The following AFF3 variants were observed in gnomAD, a reference collection of about 807,000 sequenced individuals.
AFF3 encodes the protein AF4/FMR2 family member 3.
AFF3 carries 32 observed loss-of-function variants against 129.7 expected under a neutral mutation model. That is an observed-to-expected ratio of 0.25 (90% confidence interval 0.19 to 0.33). AFF3 has a LOEUF of 0.33. Ranked by LOEUF, AFF3 falls within the 10% of genes least tolerant of loss-of-function variation. The pLI is 1.00. For missense variants in AFF3, 1,373 were observed against 1,592.0 expected (o/e 0.86, Z 2.34); for synonymous variants, 644 against 635.4 (o/e 1.01, Z -0.20).
intron 11 of AFF3, among the ~76,000 whole-genome samples, chr2:99,721,330 A>T (rs1194911679): frequency 6.6e-6 from 1 of 152,108 alleles, no homozygotes; most frequent in Non-Finnish European, 1.5e-5. Flanking sequence ...GGAGATTGAG[A>T]TCATCCTGGC....
chr2:99,695,466 CT>C (rs1002897325), intron 11 of AFF3, among the ~76,000 whole-genome samples: 1 of 152,160 alleles, frequency 6.6e-6, no homozygotes. Flanking sequence ...CACGTGTATT[CT>C]TTTTAGTCGG....
intron 7 of AFF3, among the ~76,000 whole-genome samples, chr2:99,936,996 G>T (rs1342242877): frequency 1.3e-5 from 2 of 152,162 alleles, no homozygotes; most frequent in African/African-American, 4.8e-5. Flanking sequence ...ATTCTGAAAT[G>T]ATGATTTATG....
intron 13 of AFF3, chr2:99,631,142 G>C: frequency 3.6e-6 from 1 of 274,996 alleles, no homozygotes; most frequent in South Asian, 3.1e-5. Flanking sequence ...GGCCGCCAAA[G>C]TCCCAGGACT....
Position 99,585,268 on chromosome 2 carries a change from T to C in AFF3, c.2591+1886A>G, listed in dbSNP as rs530706436. Among the ~76,000 whole-genome samples, 9 of 152,362 alleles carry C rather than the reference T, an allele frequency of 5.9e-5. No homozygotes were observed. The Middle Eastern group carries it at 0.01, about 173-fold the overall frequency. On this transcript the variant is annotated intron_variant, in intron 16 of 24. Transcript: ENST00000672756. The stretch of plus-strand genomic sequence containing the variant: ...TAAATATTATCATGGATATCATGAT[T>C]GCCTGTTTTTCATCACTGCAAGTTT...
At chr2:99,831,011 C>A (rs1306811580) in intron 8 of AFF3, among the ~76,000 whole-genome samples, 3 of 152,184 alleles carry the variant, frequency 2.0e-5, no homozygotes, top group Non-Finnish European at 4.4e-5. Context: ...CACACCCACA[C>A]TCACTGACAC....
chr2:100,031,486 C>T (rs1684487711), intron 4 of AFF3, among the ~76,000 whole-genome samples: 1 of 152,092 alleles, frequency 6.6e-6, no homozygotes, highest in Non-Finnish European at 1.5e-5. Flanking sequence ...ATTTCCTTGC[C>T]CTGTAGCTGA....
intron 15 of AFF3, among the ~76,000 whole-genome samples, chr2:99,591,822 C>G (rs1214744795): frequency 2.0e-5 from 3 of 152,212 alleles, no homozygotes; most frequent in Non-Finnish European, 4.4e-5. Context: ...CCCCTTAGGA[C>G]CTATGTAACC....
chr2:100,134,969 G>A (rs948152190), intron 1 of AFF3, among the ~76,000 whole-genome samples: 10 of 152,188 alleles, frequency 6.6e-5, no homozygotes, highest in African/African-American at 2.2e-4. Flanking sequence ...CTGAAATGGT[G>A]GCATTGGGCA....
intron 4 of AFF3, among the ~76,000 whole-genome samples, chr2:100,041,237 G>C (rs1325144501): frequency 6.6e-6 from 1 of 152,250 alleles, no homozygotes; most frequent in Non-Finnish European, 1.5e-5. Flanking sequence ...AGGGAGCACA[G>C]TGTTTTCAAC....
chr2:100,021,535 T>C (rs1683602479), intron 4 of AFF3, among the ~76,000 whole-genome samples: 1 of 152,196 alleles, frequency 6.6e-6, no homozygotes, highest in African/African-American at 2.4e-5. Context: ...GGTTATAGAA[T>C]TTAGTAATAG....
intron 22 of AFF3, among the ~76,000 whole-genome samples, chr2:99,558,639 AT>A (rs1478124885): frequency 1.2e-4 from 19 of 152,310 alleles, no homozygotes; most frequent in Non-Finnish European, 2.1e-4. Flanking sequence ...ACATAAAAAA[AT>A]AAAAATAAAA....
At chr2:99,738,708 G>A (rs1397949412) in intron 10 of AFF3, among the ~76,000 whole-genome samples, 1 of 152,090 alleles carries the variant, frequency 6.6e-6, no homozygotes, top group Non-Finnish European at 1.5e-5. Context: ...CCTTTGTAGG[G>A]AAGAGCTGAT....
At chr2:99,939,936 G>T (rs1228824888) in intron 7 of AFF3, among the ~76,000 whole-genome samples, 1 of 152,024 alleles carries the variant, frequency 6.6e-6, no homozygotes, top group East Asian at 1.9e-4. Flanking sequence ...TGTTCTGGTG[G>T]GGCCTATATA....
At position 99,814,319 on chromosome 2, in the gene AFF3, C is replaced by T. The variant is rs150045346; in HGVS notation, c.921+23158G>A. ...GATAACTAACTGAAGCCTGAAAAAG[C>T]CCACAGGGGAAAGGCAACTGAATGG... On this transcript the variant is annotated intron_variant, in intron 8 of 24. Coordinates refer to ENST00000672756, the MANE Select transcript of AFF3 (RefSeq NM_001386135.1). Among the ~76,000 whole-genome samples, 13 of 151,988 alleles carry T rather than the reference C, an allele frequency of 8.6e-5. No homozygotes were observed. The East Asian group carries it at 2.5e-3, about 29-fold the overall frequency.
chr2:100,086,925 A>C (rs1157511300), intron 4 of AFF3, among the ~76,000 whole-genome samples: 1 of 152,270 alleles, frequency 6.6e-6, no homozygotes, highest in Admixed American at 6.5e-5. Flanking sequence ...CATTATCTGC[A>C]TTTTACAAAT....
At chr2:99,657,744 T>C (rs557161666) in intron 12 of AFF3, among the ~76,000 whole-genome samples, 7 of 152,342 alleles carry the variant, frequency 4.6e-5, no homozygotes, top group Admixed American at 2.6e-4. Flanking sequence ...TACTAGAAAT[T>C]TGATAGACAA....
chr2:99,667,278 C>T (rs931510239), intron 12 of AFF3, among the ~76,000 whole-genome samples: 1 of 152,120 alleles, frequency 6.6e-6, no homozygotes, highest in African/African-American at 2.4e-5. Context: ...CAACACATTT[C>T]TAAATAATCC....
Position 99,551,307 on chromosome 2 carries a change from C to T in AFF3, c.*167G>A. On this transcript the variant is annotated 3_prime_UTR_variant, in exon 25 of 25. Coordinates refer to ENST00000672756, the MANE Select transcript of AFF3 (RefSeq NM_001386135.1). ...CATACACAGGCGGCTTCTTATATACCCACACATACAAACACACATGCCCTG... is the reference window on the plus strand; with the variant it reads ...CATACACAGGCGGCTTCTTATATACTCACACATACAAACACACATGCCCTG... 3 of 943,378 alleles carry T rather than the reference C, an allele frequency of 3.2e-6. No homozygotes were observed. Among genetic ancestry groups the T allele is most frequent in the East Asian group, 2.6e-5 (1 of 37,806 alleles). 58.4% of individuals were successfully genotyped at this position (943,378 alleles called of 1,614,324 possible). A position where few individuals can be genotyped will look rare whatever the true frequency, so the allele number is the denominator to read the frequency against.
chr2:99,727,559 ATTTT>A (rs35336994), intron 10 of AFF3, among the ~76,000 whole-genome samples: 12 of 127,714 alleles, frequency 9.4e-5, no homozygotes, highest in Admixed American at 8.0e-5. Flanking sequence ...GGAGGAAAGA[ATTTT>A]TTTTTTTTTT....
Sources: allele counts gnomAD v4.1 joint callset (sites outside exome capture counted in the v4.1 genomes callset), GRCh38; gene constraint gnomAD v4.1.1; transcripts MANE v1.5; gene names NCBI Gene and HGNC (gene_info 2026-07-23, HGNC 2026-07-21).